PEX5L: variants seen among roughly 807,000 people sequenced by gnomAD.
PEX5L encodes the protein PEX5-related protein.
Under a neutral mutation model 84.0 loss-of-function variants are expected in PEX5L, and 30 were observed. That is an observed-to-expected ratio of 0.36 (90% CI 0.27 to 0.48). The LOEUF is 0.48. PEX5L is among the 20% of genes least tolerant of loss of function. The probability of loss-of-function intolerance (pLI) is 0.99; values close to 1 mark genes in which losing one functional copy is unlikely to be tolerated. For missense variants in PEX5L, 533 were observed against 754.6 expected, an observed-to-expected ratio of 0.71 and a Z score of 3.44; for synonymous variants, 270 against 283.1, an observed-to-expected ratio of 0.95 and a Z score of 0.46.
intron 2 of PEX5L, among the ~76,000 whole-genome samples, chr3:179,943,252 G>A (rs1360030479): frequency 1.3e-5 from 2 of 152,210 alleles, no homozygotes; most frequent in African/African-American, 2.4e-5. Context: ...TGAACACTAT[G>A]CCCTGTATGG....
At chr3:179,997,001 A>G (rs1046003000) in intron 1 of PEX5L, among the ~76,000 whole-genome samples, 2 of 152,202 alleles carry the variant, frequency 1.3e-5, no homozygotes, top group Non-Finnish European at 2.9e-5. Context: ...TTGAATTATA[A>G]AAACAGAGAA....
chr3:179,967,072 C>G (rs1450882658), intron 2 of PEX5L, among the ~76,000 whole-genome samples: 1 of 152,140 alleles, frequency 6.6e-6, no homozygotes, highest in Non-Finnish European at 1.5e-5. Flanking sequence ...GAAGTTTATT[C>G]CTGTGAGGGT....
intron 8 of PEX5L, among the ~76,000 whole-genome samples, chr3:179,829,943 A>ATTTTTTTTTTTTTTTTTTTTTTTTT (rs11352022): frequency 1.2e-5 from 1 of 83,610 alleles, no homozygotes; most frequent in Non-Finnish European, 2.2e-5. Flanking sequence ...GGCCTGGCTA[A>ATTTTTTTTTTTTTTTTTTTTTTTTT]TTTTTTTTTT....
chr3:179,848,551 C>CAAAAAAAAA (rs377561010), intron 8 of PEX5L, among the ~76,000 whole-genome samples: 3 of 95,790 alleles, frequency 3.1e-5, no homozygotes, highest in African/African-American at 6.9e-5. Context: ...AAACCTCTCT[C>CAAAAAAAAA]AAAAAAAAAA....
intron 8 of PEX5L, among the ~76,000 whole-genome samples, chr3:179,843,308 G>T (rs549910026): frequency 6.6e-6 from 1 of 152,138 alleles, no homozygotes; most frequent in Non-Finnish European, 1.5e-5. Flanking sequence ...GTACAACCAG[G>T]ACCCAACTAA....
intron 1 of PEX5L, among the ~76,000 whole-genome samples, chr3:179,985,586 T>G (rs1400984782): frequency 1.3e-5 from 2 of 152,006 alleles, no homozygotes; most frequent in Non-Finnish European, 2.9e-5. Context: ...TTCTTCCCTG[T>G]CCTGAGCTGA....
rs748910610 is a variant in PEX5L, at chr3:180,005,487, G to A, written c.21+31092C>T. 3.1e-4 allele frequency among the ~76,000 whole-genome samples: 47 copies of A among 152,284 alleles called. 1 individual carries two copies. Among genetic ancestry groups the A allele is most frequent in the Admixed American group, 8.5e-4 (13 of 15,304 alleles). On this transcript the variant is annotated intron_variant, in intron 1 of 14. Transcript: ENST00000467460. ...CTCACGCCTGTAATCCCAGCACTTC[G>A]TGAGGCCAAGGCGGGTGGATCACGA... is the stretch of plus-strand genomic sequence containing the variant.
rs147082817 is a variant in PEX5L, at chr3:179,901,736, T to C, written c.94-3490A>G. 3.3e-5 allele frequency among the ~76,000 whole-genome samples: 5 copies of C among 152,360 alleles called. No individual in the cohort carries two copies. In the East Asian group the frequency reaches 9.6e-4, roughly 29 times the overall value. On this transcript the variant is annotated intron_variant, in intron 2 of 14. Transcript: ENST00000467460. ...ATATTTTTATTTCTTCCGTCATTTG[T>C]TTCTTCACTTAGGAAATATACAGAA... is the stretch of plus-strand genomic sequence containing the variant.
At chr3:179,904,397 G>T (rs1762431180) in intron 2 of PEX5L, among the ~76,000 whole-genome samples, 1 of 152,184 alleles carries the variant, frequency 6.6e-6, no homozygotes, top group Non-Finnish European at 1.5e-5. Context: ...GATCAAGTGG[G>T]GGAAGGGAGC....
At chr3:179,928,119 T>C (rs1260965815) in intron 2 of PEX5L, among the ~76,000 whole-genome samples, 1 of 152,198 alleles carries the variant, frequency 6.6e-6, no homozygotes, top group Non-Finnish European at 1.5e-5. Flanking sequence ...CCTGTTCCTT[T>C]CATATAATTG....
chr3:179,950,076 G>A (rs551694606), intron 2 of PEX5L, among the ~76,000 whole-genome samples: 1 of 152,300 alleles, frequency 6.6e-6, no homozygotes, highest in East Asian at 1.9e-4. Context: ...AGGACTGTGT[G>A]CTCTCTGGCA....
chr3:179,928,483 C>T (rs868569941), intron 2 of PEX5L, among the ~76,000 whole-genome samples: 1 of 152,276 alleles, frequency 6.6e-6, no homozygotes, highest in Middle Eastern at 3.4e-3. Context: ...CCCACTTAAG[C>T]TTCAAACAAT....
At chr3:179,920,283 GCT>G (rs1768861265) in intron 2 of PEX5L, among the ~76,000 whole-genome samples, 1 of 152,062 alleles carries the variant, frequency 6.6e-6, no homozygotes, top group African/African-American at 2.4e-5. Flanking sequence ...TCTTCATCCT[GCT>G]CTTTTTAGAG....
At position 179,949,137 on chromosome 3, in the gene PEX5L, G is replaced by A. The variant is rs116557088; in HGVS notation, c.93+22457C>T. ...ACAGGTCTTTCTCATAGTTTAGTCC[G>A]TGTTGCAATATTCTATTTTAAAAAC... On this transcript the variant is annotated intron_variant, in intron 2 of 14. Transcript: ENST00000467460. 3.3e-4 allele frequency among the ~76,000 whole-genome samples: 50 copies of A among 152,000 alleles called. 1 individual carries two copies. The highest frequency in any genetic ancestry group is 1.1e-3 in the African/African-American group (47 of 41,468).
At chr3:179,863,128 T>C (rs1746818886) in intron 7 of PEX5L, among the ~76,000 whole-genome samples, 1 of 152,216 alleles carries the variant, frequency 6.6e-6, no homozygotes, top group African/African-American at 2.4e-5. Context: ...GAAAACTGGA[T>C]ATCTACATGC....
intron 1 of PEX5L, among the ~76,000 whole-genome samples, chr3:180,011,475 C>T (rs972276395): frequency 9.9e-5 from 15 of 152,270 alleles, no homozygotes; most frequent in African/African-American, 3.6e-4. Flanking sequence ...ATGTGACTTA[C>T]GGTTACTAAG....
intron 2 of PEX5L, among the ~76,000 whole-genome samples, chr3:179,941,995 T>C (rs527988311): frequency 2.6e-5 from 3 of 113,512 alleles, no homozygotes; most frequent in Admixed American, 1.3e-4. Flanking sequence ...CACTCCAACC[T>C]GGGTGACAGA....
In PEX5L at chr3:179,965,749, G is replaced by T. The variant is rs34985833; in HGVS notation, c.93+5845C>A. Among the ~76,000 whole-genome samples the T allele has an allele frequency of 2.6e-5, 4 of 152,162 alleles. No homozygotes were observed. The East Asian group carries it at 7.7e-4, about 29-fold the overall frequency. On this transcript the variant is annotated intron_variant, in intron 2 of 14. Transcript: ENST00000467460. ...AACCAAAAAATAAACTCAGCATCGT[G>T]AGTTTACAAGGAAAATACAAAGTAA...
intron 2 of PEX5L, among the ~76,000 whole-genome samples, chr3:179,938,368 T>C (rs553680929): frequency 6.6e-6 from 1 of 152,358 alleles, no homozygotes; most frequent in East Asian, 1.9e-4. Flanking sequence ...ATTTAATCTG[T>C]TAATCCCTTC....
Sources: allele counts gnomAD v4.1 joint callset (sites outside exome capture counted in the v4.1 genomes callset), GRCh38; gene constraint gnomAD v4.1.1; transcripts MANE v1.5; gene names NCBI Gene and HGNC (gene_info 2026-07-23, HGNC 2026-07-21).